The following CFAP53 variants were observed in gnomAD, a reference collection of about 807,000 sequenced individuals.
CFAP53 encodes the protein cilia and flagella associated protein 53, also known as cilia- and flagella-associated protein 53.
Under a neutral mutation model 59.7 loss-of-function variants are expected in CFAP53, and 62 were observed. That is an observed-to-expected ratio of 1.04 (90% confidence interval 0.85 to 1.28). The LOEUF (loss-of-function observed/expected upper bound fraction) is 1.28, where lower values mean the gene tolerates loss of function less well. Ranked by LOEUF, CFAP53 falls within the 50% of genes most tolerant of loss-of-function variation. The pLI is 0.00. For synonymous variants in CFAP53, 218 were observed against 205.7 expected, an observed-to-expected ratio of 1.06 and a Z score of -0.51; for missense variants, 629 against 615.6, an observed-to-expected ratio of 1.02 and a Z score of -0.23.
intron 7 of CFAP53, among the ~76,000 whole-genome samples, chr18:50,229,046 C>T (rs983141638): frequency 6.6e-6 from 1 of 152,066 alleles, no homozygotes; most frequent in Non-Finnish European, 1.5e-5. Context: ...CATGATCACA[C>T]TACTGCACCC....
At chr18:50,244,020 G>C (rs1292356451) in intron 5 of CFAP53, among the ~76,000 whole-genome samples, 1 of 151,994 alleles carries the variant, frequency 6.6e-6, no homozygotes, top group Non-Finnish European at 1.5e-5. Flanking sequence ...CTAATTAATG[G>C]ATACCTTTTA....
At chr18:50,235,785 C>T (rs1026331024) in intron 7 of CFAP53, among the ~76,000 whole-genome samples, 1 of 152,176 alleles carries the variant, frequency 6.6e-6, no homozygotes, top group African/African-American at 2.4e-5. Context: ...CCACAGCCAC[C>T]CTGCCCAATT....
intron 3 of CFAP53, among the ~76,000 whole-genome samples, chr18:50,253,391 A>G (rs1568157656): frequency 6.6e-6 from 1 of 152,240 alleles, no homozygotes; most frequent in Non-Finnish European, 1.5e-5. Flanking sequence ...ATAATCATTG[A>G]TAAGAGGAAA....
chr18:50,261,719 T>C (rs1274588860), intron 2 of CFAP53, among the ~76,000 whole-genome samples: 1 of 152,102 alleles, frequency 6.6e-6, no homozygotes, highest in Admixed American at 6.6e-5. Context: ...TTTGATCACA[T>C]ACAAATAAGA....
intron 7 of CFAP53, among the ~76,000 whole-genome samples, chr18:50,228,846 C>T (rs1260046993): frequency 6.6e-6 from 1 of 151,888 alleles, no homozygotes; most frequent in Non-Finnish European, 1.5e-5. Context: ...AGGTCATACA[C>T]CTAATAATCC....
At chr18:50,233,088 T>C (rs141953001) in intron 7 of CFAP53, among the ~76,000 whole-genome samples, 2 of 152,180 alleles carry the variant, frequency 1.3e-5, no homozygotes, top group South Asian at 2.1e-4. Context: ...TGAAGTCTTC[T>C]ATAGCTCTCT....
At chr18:50,238,772 G>T in intron 6 of CFAP53, 67 bp from the exon 7 acceptor site, 1 of 1,140,510 alleles carries the variant, frequency 8.8e-7, no homozygotes, top group Non-Finnish European at 1.3e-6. Flanking sequence ...ATCTTTCTGG[G>T]CACCAGAGTC....
chr18:50,262,734 G>A (rs1468624257), intron 1 of CFAP53, among the ~76,000 whole-genome samples: 1 of 152,022 alleles, frequency 6.6e-6, no homozygotes, highest in African/African-American at 2.4e-5. Flanking sequence ...GTATATACAT[G>A]TATATGTGTG....
At chr18:50,244,800 C>A (rs2033726598) in intron 5 of CFAP53, among the ~76,000 whole-genome samples, 1 of 152,146 alleles carries the variant, frequency 6.6e-6, no homozygotes. Flanking sequence ...GTGGCTCATG[C>A]CTGTAATCCC....
intron 3 of CFAP53, among the ~76,000 whole-genome samples, chr18:50,252,351 A>C (rs1364515381): frequency 6.6e-6 from 1 of 151,612 alleles, no homozygotes; most frequent in African/African-American, 2.4e-5. Context: ...TGATCCGCCC[A>C]CCTCAGCCTC....
intron 5 of CFAP53, among the ~76,000 whole-genome samples, chr18:50,250,238 G>C (rs369015765): frequency 9.2e-6 from 1 of 108,456 alleles, no homozygotes; most frequent in Non-Finnish European, 2.0e-5. Context: ...AAAAAAAAAA[G>C]AGAGAGAGAG....
Position 50,250,823 on chromosome 18 carries a change from T to C in CFAP53, c.931A>G (p.Met311Val). 1.2e-6 allele frequency: 2 copies of C among 1,614,214 alleles called. No individual in the cohort carries two copies. Among genetic ancestry groups the C allele is most frequent in the Non-Finnish European group, 8.5e-7 (1 of 1,180,026 alleles). The change falls in exon 5 of 8, where the codon ATG becomes GTG. Residue 311 changes from methionine (M) to valine (V), a missense_variant. Met to Val is a conservative substitution (Grantham distance 21). Transcript: ENST00000398545. ...QEYRDEQDLN[M>V]KLVQRALQDL... ...TGAAGGGCCCTTTGCACGAGCTTCATGTTCAAGTCCTGTTCGTCTCTGTAT... is the reference window on the plus strand; with the variant it reads ...TGAAGGGCCCTTTGCACGAGCTTCACGTTCAAGTCCTGTTCGTCTCTGTAT...
At chr18:50,231,621 A>T (rs2033584562) in intron 7 of CFAP53, among the ~76,000 whole-genome samples, 1 of 152,128 alleles carries the variant, frequency 6.6e-6, no homozygotes, top group South Asian at 2.1e-4. Context: ...GGCTTTTAGT[A>T]TCTCTTTGGC....
rs1555671379 is a variant in CFAP53 at position 50,237,329 on chromosome 18, A to AATATAT, written c.1316+1268_1316+1273dup. 7.9e-4 allele frequency among the ~76,000 whole-genome samples: 5 copies of AATATAT among 6,346 alleles called. 1 individual carries two copies. In the East Asian group the frequency reaches 0.045, roughly 58 times the overall value. The allele number at this position is 6,346 out of a possible 152,430, so 4.2% of individuals were successfully genotyped here. On this transcript the variant is annotated intron_variant, in intron 7 of 7. Coordinates refer to ENST00000398545, the MANE Select transcript of CFAP53 (RefSeq NM_145020.5). ...CAAAAAAAAAAAAAAAAAAAAAAAA[A>AATATAT]ATATATATATATATATATATATACG... is the stretch of plus-strand genomic sequence containing the variant.
Position 50,261,114 on chromosome 18 carries a change from A to G in CFAP53, c.423T>C (p.Asn141=). 6.3e-7 allele frequency: 1 copy of G among 1,598,468 alleles called. No homozygotes were observed. Residue 141 remains asparagine, a synonymous_variant, in exon 3 of 8, where the codon AAT becomes AAC. Coordinates refer to ENST00000398545, the MANE Select transcript of CFAP53 (RefSeq NM_145020.5). The stretch of plus-strand genomic sequence containing the variant: ...CCACAAAATCCTGCCTCTCTTTTTC[A>G]TTCTTCTCTTTTAGTAATTTAGTTT... ...REKTKLLKEK[N]EKERQDFVAE...
intron 6 of CFAP53, among the ~76,000 whole-genome samples, chr18:50,239,055 T>C (rs1051769397): frequency 5.4e-5 from 8 of 148,260 alleles, no homozygotes; most frequent in African/African-American, 2.0e-4. Flanking sequence ...AATTTATTAT[T>C]TATTATATAT....
intron 3 of CFAP53, among the ~76,000 whole-genome samples, chr18:50,259,594 C>A (rs770790471): frequency 1.3e-5 from 2 of 151,966 alleles, no homozygotes; most frequent in Non-Finnish European, 2.9e-5. Context: ...CCACCATGCC[C>A]GGCTAATTTT....
rs562980903 is a variant in CFAP53, at chr18:50,238,699, C to T, written c.1220G>A (p.Arg407Gln). Residue 407 changes from arginine (R) to glutamine (Q), a missense_variant, in exon 7 of 8, where the codon CGA becomes CAA. Coordinates refer to ENST00000398545, the MANE Select transcript of CFAP53 (RefSeq NM_145020.5). Reference sequence around the variant, plus strand: ...ACGTTCTTCCTGTTCTTTAGCTTCTCGTTGCACTAAGAAAAGCAAAAGTAA... The same window carrying T: ...ACGTTCTTCCTGTTCTTTAGCTTCTTGTTGCACTAAGAAAAGCAAAAGTAA... ...RKLQVQEKLQ[R>Q]EAKEQEERAM... 35 of 1,609,228 alleles carry T rather than the reference C, an allele frequency of 2.2e-5. No homozygotes were observed. The Middle Eastern group carries it at 5.0e-4, about 23-fold the overall frequency.
At position 50,261,150 on chromosome 18, in the gene CFAP53, CCTAT is replaced by C. The variant is rs1449769692; in HGVS notation, c.383_386del (p.Asp128GlyfsTer2). On this transcript the variant is annotated frameshift_variant, in exon 3 of 8. Coordinates refer to ENST00000398545, the MANE Select transcript of CFAP53 (RefSeq NM_145020.5). LOFTEE classifies it high-confidence loss of function. Reference sequence around the variant, plus strand: ...TTAGTAATTTAGTTTTCTCTCTCATCCTATCTTTTTTCTCCTCAATGGTTTCTTT... The same window carrying C: ...TTAGTAATTTAGTTTTCTCTCTCATCCTTTTTTCTCCTCAATGGTTTCTTT... The C allele has an allele frequency of 2.5e-6, 4 of 1,596,908 alleles. No homozygotes were observed. The highest frequency in any genetic ancestry group is 1.2e-5 in the South Asian group (1 of 86,064).
Sources: gnomAD v4.1 joint callset for allele counts (sites outside exome capture counted in the v4.1 genomes callset) on GRCh38, gnomAD v4.1.1 for gene constraint, MANE v1.5 for transcripts, NCBI Gene and HGNC (gene_info 2026-07-23, HGNC 2026-07-21) for gene names.